TMEM132C: variants seen among roughly 807,000 people sequenced by gnomAD.
The protein encoded by TMEM132C is transmembrane protein 132C.
Under a neutral mutation model 61.4 loss-of-function variants are expected in TMEM132C, and 29 were observed. The ratio of observed to expected loss-of-function variants is 0.47; its 90% CI spans 0.35 to 0.64. The LOEUF (loss-of-function observed/expected upper bound fraction) is 0.64, where lower values mean the gene tolerates loss of function less well. TMEM132C is among the 30% of genes least tolerant of loss of function. The pLI, the probability that TMEM132C is intolerant of heterozygous loss-of-function variation, is 0.00. For synonymous variants in TMEM132C, 656 were observed against 633.1 expected, an observed-to-expected ratio of 1.04 and a Z score of -0.54; for missense variants, 1,408 against 1,476.9, an observed-to-expected ratio of 0.95 and a Z score of 0.76.
In TMEM132C at chr12:128,326,667, C is replaced by A. The variant is rs1211465927; in HGVS notation, c.85+59180C>A. On this transcript the variant is annotated intron_variant, in intron 1 of 8. Coordinates refer to ENST00000435159, the MANE Select transcript of TMEM132C (RefSeq NM_001136103.3). The surrounding 1 kb of genome is among the most constrained non-coding windows in gnomAD (Gnocchi z 5.6). ...AGACTGTCACTCTCGAGGAAGGGAA[C>A]ACTGAAGCAGGATCTCTATTAGCCT... Among the ~76,000 whole-genome samples, 1 of 152,172 alleles carries A rather than the reference C, an allele frequency of 6.6e-6. No individual in the cohort carries two copies. The highest frequency in any genetic ancestry group is 1.5e-5 in the Non-Finnish European group (1 of 68,034).
intron 1 of TMEM132C, chr12:128,294,007 T>C (rs1400228076): frequency 6.5e-6 from 1 of 154,688 alleles, no homozygotes; most frequent in East Asian, 1.9e-4. Flanking sequence ...CAGGTGGTTG[T>C]GTCTGCTGGG....
At chr12:128,653,969 C>T (rs1036808939) in intron 4 of TMEM132C, among the ~76,000 whole-genome samples, 4 of 152,156 alleles carry the variant, frequency 2.6e-5, no homozygotes, top group African/African-American at 9.7e-5. Flanking sequence ...CCAGCCCTTT[C>T]TACTCTGCTG....
At chr12:128,426,308 C>A (rs867856445) in intron 2 of TMEM132C, among the ~76,000 whole-genome samples, 1 of 152,176 alleles carries the variant, frequency 6.6e-6, no homozygotes, top group Non-Finnish European at 1.5e-5. Context: ...ATATGAGAAA[C>A]CCTCGAAGGC....
chr12:128,523,656 C>G (rs140034976), intron 2 of TMEM132C, among the ~76,000 whole-genome samples: 18 of 152,138 alleles, frequency 1.2e-4, no homozygotes, highest in Non-Finnish European at 2.4e-4. Flanking sequence ...AAGGGATGTT[C>G]TTTCCCTATT....
chr12:128,329,425 G>A (rs1872614113), intron 1 of TMEM132C, among the ~76,000 whole-genome samples: 1 of 152,176 alleles, frequency 6.6e-6, no homozygotes, highest in South Asian at 2.1e-4. Context: ...TTTGTACAAG[G>A]CTGAAGGCGT....
At chr12:128,375,067 G>A (rs1007632797) in intron 1 of TMEM132C, among the ~76,000 whole-genome samples, 10 of 151,956 alleles carry the variant, frequency 6.6e-5, no homozygotes, top group Non-Finnish European at 1.5e-4. Flanking sequence ...TGTGTACTAT[G>A]CAATGTTCAG....
At chr12:128,323,863 G>A (rs1450351438) in intron 1 of TMEM132C, among the ~76,000 whole-genome samples, 5 of 152,148 alleles carry the variant, frequency 3.3e-5, no homozygotes, top group South Asian at 4.1e-4. Flanking sequence ...AGGCGGCATC[G>A]ATTAAGAGAG....
chr12:128,419,348 A>C (rs1683728), intron 2 of TMEM132C, among the ~76,000 whole-genome samples: 123,992 of 152,174 alleles, frequency 0.81, 53,507 homozygotes, highest in South Asian at 0.98. Flanking sequence ...TAAAATGAGC[A>C]TTATGAACAG....
chr12:128,346,636 C>CTA (rs1873167768), intron 1 of TMEM132C, among the ~76,000 whole-genome samples: 3 of 152,052 alleles, frequency 2.0e-5, no homozygotes, highest in Admixed American at 2.0e-4. Context: ...TACCTGTATT[C>CTA]CTAGATATTT....
At chr12:128,670,510 G>A (rs986111379) in intron 5 of TMEM132C, among the ~76,000 whole-genome samples, 1 of 152,024 alleles carries the variant, frequency 6.6e-6, no homozygotes. Flanking sequence ...CCACATGTAC[G>A]TGAGATCGTG....
intron 4 of TMEM132C, among the ~76,000 whole-genome samples, chr12:128,620,232 CAA>C (rs386378194): frequency 0.021 from 1,275 of 61,970 alleles, 23 homozygotes; most frequent in African/African-American, 0.066. Flanking sequence ...GACCCTGTCT[CAA>C]AAAAAAAAAA....
At chr12:128,352,370 A>G (rs573233025) in intron 1 of TMEM132C, among the ~76,000 whole-genome samples, 1 of 152,302 alleles carries the variant, frequency 6.6e-6, no homozygotes, top group East Asian at 1.9e-4. Flanking sequence ...ACTCACTGTC[A>G]CAAGAACGGC....
intron 2 of TMEM132C, among the ~76,000 whole-genome samples, chr12:128,416,245 C>T (rs776756405): frequency 1.3e-5 from 2 of 152,030 alleles, no homozygotes; most frequent in South Asian, 2.1e-4. Context: ...GTCACCATGG[C>T]GGGTTCAACA....
intron 3 of TMEM132C, among the ~76,000 whole-genome samples, chr12:128,586,293 A>C (rs1875545877): frequency 6.6e-6 from 1 of 151,782 alleles, no homozygotes; most frequent in African/African-American, 2.4e-5. Flanking sequence ...ACCATAGCCA[A>C]ACATACTTTA....
At chr12:128,655,099 T>C (rs181420244) in intron 4 of TMEM132C, among the ~76,000 whole-genome samples, 1 of 152,290 alleles carries the variant, frequency 6.6e-6, no homozygotes, top group East Asian at 1.9e-4. Flanking sequence ...TACCAAAACA[T>C]CATCCAGGAC....
intron 2 of TMEM132C, among the ~76,000 whole-genome samples, chr12:128,476,542 C>G (rs532901016): frequency 6.6e-6 from 1 of 152,294 alleles, no homozygotes; most frequent in African/African-American, 2.4e-5. Flanking sequence ...AAAAAGCCTC[C>G]TGTCTGATCT....
intron 3 of TMEM132C, among the ~76,000 whole-genome samples, chr12:128,563,832 C>T (rs559116113): frequency 1.3e-5 from 2 of 152,244 alleles, no homozygotes; most frequent in South Asian, 4.1e-4. Flanking sequence ...GCTGCTCAAA[C>T]AAAAATACCA....
chr12:128,309,366 A>T (rs1593005939), intron 1 of TMEM132C, among the ~76,000 whole-genome samples: 1 of 152,322 alleles, frequency 6.6e-6, no homozygotes, highest in East Asian at 1.9e-4. Context: ...TTGCATTTTT[A>T]AAAAACTGAG....
At chr12:128,606,580 G>A (rs909468366) in intron 3 of TMEM132C, among the ~76,000 whole-genome samples, 14 of 152,178 alleles carry the variant, frequency 9.2e-5, no homozygotes, top group Non-Finnish European at 2.1e-4. Flanking sequence ...GCAACAAGGG[G>A]CCCAGACTTC....
Sources: gnomAD v4.1 joint callset for allele counts (sites outside exome capture counted in the v4.1 genomes callset) on GRCh38, gnomAD v4.1.1 for gene constraint, Gnocchi (gnomAD v3.1) non-coding constraint, MANE v1.5 for transcripts, NCBI Gene and HGNC (gene_info 2026-07-23, HGNC 2026-07-21) for gene names.